Variants in SLC4A3 observed in about 807,000 individuals in gnomAD.
The protein encoded by SLC4A3 is solute carrier family 4 member 3, also known as anion exchange protein 3.
Under a neutral mutation model 114.2 loss-of-function variants are expected in SLC4A3, and 47 were observed. That is an observed-to-expected ratio of 0.41 (90% CI 0.33 to 0.52). The LOEUF is 0.52. Ranked by LOEUF, SLC4A3 falls within the 20% of genes least tolerant of loss-of-function variation. SLC4A3 has a pLI of 0.21. For synonymous variants in SLC4A3, 693 were observed against 710.3 expected, an observed-to-expected ratio of 0.98 and a Z score of 0.39; for missense variants, 1,312 against 1,668.3, an observed-to-expected ratio of 0.79 and a Z score of 3.72.
chr2:219,640,815 C>A lies in SLC4A3; in HGVS notation c.3474C>A (p.Phe1158Leu). 1 of 1,612,240 alleles carries A rather than the reference C, an allele frequency of 6.2e-7. No individual in the cohort carries two copies. The highest frequency in any genetic ancestry group is 8.5e-7 in the Non-Finnish European group (1 of 1,179,972). ...TGAAGACGTGGCGGATGCATCTGTT[C>A]ACCTGCATCCAGCTGGGCTGCATCG... is the stretch of plus-strand genomic sequence containing the variant. ...TKVKTWRMHL[F>L]TCIQLGCIAL... The change falls in exon 22 of 23, where the codon TTC becomes TTA. Residue 1158 changes from phenylalanine to leucine, a missense_variant. This residue lies in a region of SLC4A3 where 301 missense variants were observed against 460.7 expected (regional missense o/e 0.65). Coordinates refer to ENST00000358055, the MANE Select transcript of SLC4A3 (RefSeq NM_005070.4).
chr2:219,640,450 G>T lies in SLC4A3; in HGVS notation c.3298G>T (p.Ala1100Ser). The T allele has an allele frequency of 6.2e-7, 1 of 1,613,858 alleles. No individual in the cohort carries two copies. Among genetic ancestry groups the T allele is most frequent in the Non-Finnish European group, 8.5e-7 (1 of 1,179,828 alleles). Residue 1100 changes from alanine to serine, a missense_variant, in exon 21 of 23, where the codon GCT becomes TCT. Transcript: ENST00000358055. ...SLVGLSIVMG[A>S]VLRRIPLAVL... Reference sequence around the variant, plus strand: ...TCCAGGCCTGTCCATCGTCATGGGGGCTGTGCTGCGTCGGATCCCATTGGC... The same window carrying T: ...TCCAGGCCTGTCCATCGTCATGGGGTCTGTGCTGCGTCGGATCCCATTGGC...
At position 219,632,529 on chromosome 2, in the gene SLC4A3, C is replaced by G. The variant is rs191328465; in HGVS notation, c.1141+87C>G. The G allele has an allele frequency of 4.1e-3, 5,719 of 1,409,434 alleles. 21 individuals carry two copies. Among genetic ancestry groups the G allele is most frequent in the Non-Finnish European group, 4.6e-3 (4,902 of 1,056,246 alleles). 87.3% of individuals were successfully genotyped at this position (1,409,434 alleles called of 1,614,324 possible). ...AGTTCCCAGGAACACTCTCTAGAGT[C>G]CTGGGCACAGGCAAGATCCAACTGC... is the stretch of plus-strand genomic sequence containing the variant. On this transcript the variant is annotated intron_variant, in intron 8 of 22. Transcript: ENST00000358055.
rs1267184637 is a variant in SLC4A3 at position 219,637,002 on chromosome 2, G to A, written c.2535+128G>A. ...AGAGGGACTGTGTTGGGAGTGAGGG[G>A]TTCTAGGGACACCCTAGGCTAGGTC... On this transcript the variant is annotated intron_variant, in intron 16 of 22. Coordinates refer to ENST00000358055, the MANE Select transcript of SLC4A3 (RefSeq NM_005070.4). This position sits in a 1 kb window ranked among gnomAD's most constrained non-coding sequence, Gnocchi z 4.6. 1 of 865,610 alleles carries A rather than the reference G, an allele frequency of 1.2e-6. No homozygotes were observed. The highest frequency in any genetic ancestry group is 1.8e-6 in the Non-Finnish European group (1 of 557,936). 53.6% of individuals were successfully genotyped at this position (865,610 alleles called of 1,614,324 possible).
At position 219,641,094 on chromosome 2, in the gene SLC4A3, C is replaced by T. The variant is rs77286757; in HGVS notation, c.3621+132C>T. 327 of 845,170 alleles carry T rather than the reference C, an allele frequency of 3.9e-4. No individual in the cohort carries two copies. The East Asian group carries it at 5.9e-3, about 15-fold the overall frequency. The allele number at this position is 845,170 out of a possible 1,614,324, so 52.4% of individuals were successfully genotyped here. A position where few individuals can be genotyped will look rare whatever the true frequency, so the allele number is the denominator to read the frequency against. On this transcript the variant is annotated intron_variant, in intron 22 of 22. Coordinates refer to ENST00000358055, the MANE Select transcript of SLC4A3 (RefSeq NM_005070.4). This position sits in a 1 kb window ranked among gnomAD's most constrained non-coding sequence, Gnocchi z 4.0. Reference sequence around the variant, plus strand: ...TTGTGTTGCAAGTTATCTCACCTTCCGAAATCTTATTTTCACCTGTATAAT... The same window carrying T: ...TTGTGTTGCAAGTTATCTCACCTTCTGAAATCTTATTTTCACCTGTATAAT...
At position 219,628,792 on chromosome 2, in the gene SLC4A3, A is replaced by G. The variant is rs1235425339; in HGVS notation, c.217+222A>G. The G allele has an allele frequency of 4.9e-6, 3 of 611,466 alleles. No homozygotes were observed. The highest frequency in any genetic ancestry group is 3.7e-5 in the African/African-American group (2 of 53,810). 37.9% of individuals were successfully genotyped at this position (611,466 alleles called of 1,614,324 possible). ...GTGGGCCCCAGACCAGGGGAGATCTAGGGAGCTGGGCCTGGGCCCTTCCAC... is the reference window on the plus strand; with the variant it reads ...GTGGGCCCCAGACCAGGGGAGATCTGGGGAGCTGGGCCTGGGCCCTTCCAC... On this transcript the variant is annotated intron_variant, in intron 3 of 22. Transcript: ENST00000358055. This position sits in a 1 kb window ranked among gnomAD's most constrained non-coding sequence, Gnocchi z 4.8.
In SLC4A3 at chr2:219,630,759, A is replaced by C; in HGVS notation, c.811+407A>C. ...GCCTCTCCCTGTGTCAGGACCCTTC[A>C]CTCCCATCCCACTACCCTTGGGGGG... On this transcript the variant is annotated intron_variant, in intron 6 of 22. Coordinates refer to ENST00000358055, the MANE Select transcript of SLC4A3 (RefSeq NM_005070.4). The surrounding 1 kb of genome is among the most constrained non-coding windows in gnomAD (Gnocchi z 6.9). Among the ~76,000 whole-genome samples, 1 of 148,044 alleles carries C rather than the reference A, an allele frequency of 6.8e-6. No homozygotes were observed. Among genetic ancestry groups the C allele is most frequent in the Non-Finnish European group, 1.5e-5 (1 of 66,884 alleles).
Position 219,633,950 on chromosome 2 carries a change from A to G in SLC4A3, c.1532A>G (p.Glu511Gly). The change falls in exon 11 of 23, where the codon GAA becomes GGA. Residue 511 changes from glutamate (E) to glycine (G), a missense_variant. Physicochemically the swap from Glu to Gly is moderately conservative, Grantham distance 98 (BLOSUM62 -2). Transcript: ENST00000358055. ...CTGAAGCTGCTGGAGAAGATCCCTG[A>G]AGATGCTGAGGCCACGGTTGTGCTT... ...KSLKLLEKIPEDAEATVVLVG... is the reference protein window; with the variant it reads ...KSLKLLEKIPGDAEATVVLVG... The G allele has an allele frequency of 6.4e-7, 1 of 1,559,392 alleles. No homozygotes were observed. Among genetic ancestry groups the G allele is most frequent in the East Asian group, 2.4e-5 (1 of 42,124 alleles).
Position 219,633,893 on chromosome 2 carries a change from T to G in SLC4A3, c.1475T>G (p.Met492Arg). Residue 492 changes from methionine to arginine, a missense_variant, in exon 11 of 23, where the codon ATG (methionine) becomes AGG (arginine). By Grantham distance (91) the Met-to-Arg change is moderately conservative (BLOSUM62 -1). Around this residue, in one of 4 missense-constraint regions of SLC4A3, gnomAD observed 771 missense variants for 977.7 expected, o/e 0.79. Transcript: ENST00000358055. Reference sequence around the variant, plus strand: ...CTGCGTCCTCAGAAGCCCCTCCACATGCCTGGGGGAGATGGTCACCGGGGG... The same window carrying G: ...CTGCGTCCTCAGAAGCCCCTCCACAGGCCTGGGGGAGATGGTCACCGGGGG... ...DPDAKEKPLH[M>R]PGGDGHRGKS... The G allele has an allele frequency of 6.4e-7, 1 of 1,558,584 alleles. No homozygotes were observed. Among genetic ancestry groups the G allele is most frequent in the Non-Finnish European group, 8.7e-7 (1 of 1,150,590 alleles).
chr2:219,631,511 A>T lies in SLC4A3; in HGVS notation c.812-457A>T. The T allele has an allele frequency of 7.8e-7, 1 of 1,282,540 alleles. No individual in the cohort carries two copies. The highest frequency in any genetic ancestry group is 1.0e-6 in the Non-Finnish European group (1 of 974,680). The allele number at this position is 1,282,540 out of a possible 1,614,324, so 79.4% of individuals were successfully genotyped here. A position where few individuals can be genotyped will look rare whatever the true frequency, so the allele number is the denominator to read the frequency against. On this transcript the variant is annotated intron_variant, in intron 6 of 22. Coordinates refer to ENST00000358055, the MANE Select transcript of SLC4A3 (RefSeq NM_005070.4). The surrounding 1 kb of genome is among the most constrained non-coding windows in gnomAD (Gnocchi z 6.3). ...ACTGCTGCTGGCCTGGGTGGGGCAGACAGGAGGAAGGGAGCGAAGCCCTGC... is the reference window on the plus strand; with the variant it reads ...ACTGCTGCTGGCCTGGGTGGGGCAGTCAGGAGGAAGGGAGCGAAGCCCTGC...
chr2:219,633,957 T>C lies in SLC4A3; in HGVS notation c.1539T>C (p.Ala513=), dbSNP rs551452680. 3.2e-6 allele frequency: 5 copies of C among 1,557,630 alleles called. No homozygotes were observed. The East Asian group carries it at 7.2e-5, about 22-fold the overall frequency. ...TGCTGGAGAAGATCCCTGAAGATGC[T>C]GAGGCCACGGTTGTGCTTGTGGGTG... ...LKLLEKIPED[A]EATVVLVGCV... Residue 513 remains alanine (A), a synonymous_variant, in exon 11 of 23, where the codon GCT becomes GCC. Transcript: ENST00000358055.
At position 219,632,861 on chromosome 2, in the gene SLC4A3, A is replaced by G. The variant is rs755716605; in HGVS notation, c.1142-13A>G. 2 of 1,613,854 alleles carry G rather than the reference A, an allele frequency of 1.2e-6. No individual in the cohort carries two copies. Among genetic ancestry groups the G allele is most frequent in the Admixed American group, 3.3e-5 (2 of 59,996 alleles). ...TGGGACTGTGCCCTCTCTGTGCCTG[A>G]CTGTCCCCCTAGGAGCTGCCCTCCT... On this transcript the variant is annotated splice_polypyrimidine_tract_variant and intron_variant, in intron 8 of 22. Transcript: ENST00000358055.
Position 219,628,159 on chromosome 2 carries a change from G to T in SLC4A3, c.51+116G>T. The T allele has an allele frequency of 1.1e-6, 1 of 896,498 alleles. No homozygotes were observed. Among genetic ancestry groups the T allele is most frequent in the Non-Finnish European group, 1.6e-6 (1 of 606,444 alleles). The allele number at this position is 896,498 out of a possible 1,614,324, so 55.5% of individuals were successfully genotyped here. A position where few individuals can be genotyped will look rare whatever the true frequency, so the allele number is the denominator to read the frequency against. On this transcript the variant is annotated intron_variant, in intron 2 of 22. Coordinates refer to ENST00000358055, the MANE Select transcript of SLC4A3 (RefSeq NM_005070.4). This position sits in a 1 kb window ranked among gnomAD's most constrained non-coding sequence, Gnocchi z 4.8. ...GACCCCCCAGATCCAGGGATGAGCTGGGCTGGGGGTTACGGAGAAAGAGGG... is the reference window on the plus strand; with the variant it reads ...GACCCCCCAGATCCAGGGATGAGCTTGGCTGGGGGTTACGGAGAAAGAGGG...
In SLC4A3 at chr2:219,629,615, C is replaced by A. The variant is rs934714623; in HGVS notation, c.531C>A (p.Gly177=). Residue 177 remains glycine (G), a synonymous_variant, in exon 5 of 23, where the codon GGC becomes GGA. Transcript: ENST00000358055. ...SIGSDEDDSP[G]LPGRAAVTKP... ...GAAGTGACGAGGATGACAGTCCAGG[C>A]CTCCCTGGGAGGGCTGCTGTCACCA... 1.2e-6 allele frequency: 2 copies of A among 1,613,056 alleles called. No homozygotes were observed. Among genetic ancestry groups the A allele is most frequent in the African/African-American group, 1.3e-5 (1 of 74,854 alleles).
chr2:219,640,755 G>A (rs368003563), intron 21 of SLC4A3, 34 bp from the exon 22 acceptor site: 11 of 1,601,608 alleles, frequency 6.9e-6, no homozygotes, highest in Admixed American at 6.7e-5. Context: ...AGGCCGGGAC[G>A]CTGTGCACTG....
rs1698813698 is a variant in SLC4A3 at position 219,628,814 on chromosome 2, C to T, written c.217+244C>T. 1 of 590,928 alleles carries T rather than the reference C, an allele frequency of 1.7e-6. No individual in the cohort carries two copies. Among genetic ancestry groups the T allele is most frequent in the Admixed American group, 3.2e-5 (1 of 31,232 alleles). 36.6% of individuals were successfully genotyped at this position (590,928 alleles called of 1,614,324 possible). A position where few individuals can be genotyped will look rare whatever the true frequency, so the allele number is the denominator to read the frequency against. The stretch of plus-strand genomic sequence containing the variant: ...TCTAGGGAGCTGGGCCTGGGCCCTT[C>T]CACGGTGACCTTCCCCTTCCCCTTC... On this transcript the variant is annotated intron_variant, in intron 3 of 22. Coordinates refer to ENST00000358055, the MANE Select transcript of SLC4A3 (RefSeq NM_005070.4). The surrounding 1 kb of genome is among the most constrained non-coding windows in gnomAD (Gnocchi z 4.8).
rs531563888 is a variant in SLC4A3 at position 219,637,271 on chromosome 2, G to A, written c.2536-310G>A. Among the ~76,000 whole-genome samples the A allele has an allele frequency of 6.0e-5, 9 of 150,660 alleles. No individual in the cohort carries two copies. Among genetic ancestry groups the A allele is most frequent in the East Asian group, 1.9e-4 (1 of 5,154 alleles). ...TGATGTATGTGTTGTGTGTGTGTGCGTGTGTGTGCCTGTGTGTGCATGTTG... is the reference window on the plus strand; with the variant it reads ...TGATGTATGTGTTGTGTGTGTGTGCATGTGTGTGCCTGTGTGTGCATGTTG... On this transcript the variant is annotated intron_variant, in intron 16 of 22. Coordinates refer to ENST00000358055, the MANE Select transcript of SLC4A3 (RefSeq NM_005070.4). This position sits in a 1 kb window ranked among gnomAD's most constrained non-coding sequence, Gnocchi z 4.6.
Position 219,635,996 on chromosome 2 carries a change from A to G in SLC4A3, c.2191+105A>G, listed in dbSNP as rs957760696. 4 of 896,748 alleles carry G rather than the reference A, an allele frequency of 4.5e-6. No individual in the cohort carries two copies. The African/African-American group carries it at 5.0e-5, about 11-fold the overall frequency. The allele number at this position is 896,748 out of a possible 1,614,324, so 55.5% of individuals were successfully genotyped here. On this transcript the variant is annotated intron_variant, in intron 14 of 22. Coordinates refer to ENST00000358055, the MANE Select transcript of SLC4A3 (RefSeq NM_005070.4). The stretch of plus-strand genomic sequence containing the variant: ...TGGGTGTGATCACATTAGGGGGCCA[A>G]TGGTTAGATGTGCTAGCAAAGGTGT...
At position 219,641,051 on chromosome 2, in the gene SLC4A3, TTGTGAAACTTGTGTAACTTG is replaced by T; in HGVS notation, c.3621+93_3621+112del. The T allele has an allele frequency of 8.0e-7, 1 of 1,244,004 alleles. No homozygotes were observed. The highest frequency in any genetic ancestry group is 1.1e-6 in the Non-Finnish European group (1 of 891,608). 77.1% of individuals were successfully genotyped at this position (1,244,004 alleles called of 1,614,324 possible). A position where few individuals can be genotyped will look rare whatever the true frequency, so the allele number is the denominator to read the frequency against. The stretch of plus-strand genomic sequence containing the variant: ...TTTGGCCACCCACTAGTTGTGTTAG[TTGTGAAACTTGTGTAACTTG>T]TGTTGCAAGTTATCTCACCTTCCGA... On this transcript the variant is annotated intron_variant, in intron 22 of 22. Transcript: ENST00000358055. This position sits in a 1 kb window ranked among gnomAD's most constrained non-coding sequence, Gnocchi z 4.0.
In SLC4A3 at chr2:219,636,662, G is replaced by A. The variant is rs778331792; in HGVS notation, c.2341-18G>A. On this transcript the variant is annotated intron_variant, in intron 15 of 22. Coordinates refer to ENST00000358055, the MANE Select transcript of SLC4A3 (RefSeq NM_005070.4). The surrounding 1 kb of genome is among the most constrained non-coding windows in gnomAD (Gnocchi z 5.5). ...GGCAGTCCACCTGTGGGTAACGACC[G>A]CTCCTACCCCCACCTAGTTCTGCCG... 109 of 1,604,820 alleles carry A rather than the reference G, an allele frequency of 6.8e-5. No homozygotes were observed. Among genetic ancestry groups the A allele is most frequent in the Middle Eastern group, 1.8e-4 (1 of 5,640 alleles).
Sources: gnomAD v4.1 joint callset for allele counts (sites outside exome capture counted in the v4.1 genomes callset) on GRCh38, gnomAD v4.1.1 for gene constraint, gnomAD v4.1.1 regional missense constraint, Gnocchi (gnomAD v3.1) non-coding constraint, MANE v1.5 for transcripts, NCBI Gene and HGNC (gene_info 2026-07-23, HGNC 2026-07-21) for gene names.